Variants in AS3MT observed in about 807,000 individuals in gnomAD.
AS3MT encodes arsenite methyltransferase.
In AS3MT, 47 loss-of-function variants were observed where a neutral mutation model predicts 45.3. That is an observed-to-expected ratio of 1.04 (90% CI 0.82 to 1.32). AS3MT has a LOEUF of 1.32. Ranked by LOEUF, AS3MT falls within the 40% of genes most tolerant of loss-of-function variation. The pLI, the probability that AS3MT is intolerant of heterozygous loss-of-function variation, is 0.00. For synonymous variants in AS3MT, 141 were observed against 152.8 expected, an observed-to-expected ratio of 0.92 and a Z score of 0.57; for missense variants, 396 against 451.1, an observed-to-expected ratio of 0.88 and a Z score of 1.11.
rs1214268329 is a variant in AS3MT at position 102,881,936 on chromosome 10, G to A, written c.885+2945G>A. Among the ~76,000 whole-genome samples, 3 of 138,666 alleles carry A rather than the reference G, an allele frequency of 2.2e-5. No homozygotes were observed. The highest frequency in any genetic ancestry group is 4.7e-5 in the Non-Finnish European group (3 of 63,522). 91.0% of individuals were successfully genotyped at this position (138,666 alleles called of 152,430 possible). On this transcript the variant is annotated intron_variant, in intron 9 of 10. Transcript: ENST00000369880. The surrounding 1 kb of genome is among the most constrained non-coding windows in gnomAD (Gnocchi z 4.2). Reference sequence around the variant, plus strand: ...TTTTATTTTTTTGTTGGTGAGACAGGTTTTTTTTTTTTTTCTTTTTTGAGA... The same window carrying A: ...TTTTATTTTTTTGTTGGTGAGACAGATTTTTTTTTTTTTTCTTTTTTGAGA...
In AS3MT at chr10:102,879,482, T is replaced by C. The variant is rs182049455; in HGVS notation, c.885+491T>C. Among the ~76,000 whole-genome samples the C allele has an allele frequency of 1.8e-4, 28 of 152,038 alleles. No individual in the cohort carries two copies. In the East Asian group the frequency reaches 4.7e-3, roughly 25 times the overall value. Reference sequence around the variant, plus strand: ...CTCAATATTTATTATAAAAATGTTTTTGGCCAGGTGCGGTGGCTCACACCT... The same window carrying C: ...CTCAATATTTATTATAAAAATGTTTCTGGCCAGGTGCGGTGGCTCACACCT... On this transcript the variant is annotated intron_variant, in intron 9 of 10. Coordinates refer to ENST00000369880, the MANE Select transcript of AS3MT (RefSeq NM_020682.4).
intron 9 of AS3MT, among the ~76,000 whole-genome samples, chr10:102,888,873 A>T (rs71471257): frequency 0.049 from 3,077 of 62,172 alleles, 127 homozygotes; most frequent in East Asian, 0.11. Flanking sequence ...ATATATATAT[A>T]TATATATATT....
chr10:102,896,378 C>A (rs898536552), intron 10 of AS3MT, among the ~76,000 whole-genome samples: 3 of 148,110 alleles, frequency 2.0e-5, no homozygotes, highest in Admixed American at 6.8e-5. Flanking sequence ...AAATCACTTT[C>A]AAAAATGGTA....
chr10:102,899,331 A>G (rs977904016), intron 10 of AS3MT, among the ~76,000 whole-genome samples: 1 of 152,096 alleles, frequency 6.6e-6, no homozygotes, highest in African/African-American at 2.4e-5. Context: ...GTTCCAGTAT[A>G]CTGAGAGATG....
chr10:102,878,986 T>A lies in AS3MT; in HGVS notation c.880T>A (p.Phe294Ile), dbSNP rs967902054. 2 of 1,610,588 alleles carry A rather than the reference T, an allele frequency of 1.2e-6. No homozygotes were observed. Among genetic ancestry groups the A allele is most frequent in the African/African-American group, 2.7e-5 (2 of 74,728 alleles). Residue 294 changes from phenylalanine to isoleucine, a missense_variant, in exon 9 of 11, where the codon TTT becomes ATT. Transcript: ENST00000369880. ...KELMFDANFTFKEGEIVEVDE... is the reference protein window; with the variant it reads ...KELMFDANFTIKEGEIVEVDE... ...ACTAATGTTTGATGCCAATTTTACA[T>A]TTAAGGTAAATAAAACAATTTCCAT...
intron 6 of AS3MT, among the ~76,000 whole-genome samples, chr10:102,876,530 G>A (rs147310465): frequency 3.3e-5 from 5 of 152,024 alleles, no homozygotes; most frequent in East Asian, 1.9e-4. Context: ...CTCCCACTTC[G>A]GCCTCCTGAG....
intron 9 of AS3MT, among the ~76,000 whole-genome samples, chr10:102,889,418 T>C (rs944069064): frequency 6.6e-6 from 1 of 152,192 alleles, no homozygotes; most frequent in Non-Finnish European, 1.5e-5. Flanking sequence ...GATTTCCTTC[T>C]GTTTTAAAAT....
intron 3 of AS3MT, 95 bp from the exon 4 acceptor site, chr10:102,872,353 C>T (rs974515423): frequency 6.2e-5 from 80 of 1,289,874 alleles, no homozygotes; most frequent in South Asian, 3.3e-4. Flanking sequence ...AAGGAAGGAA[C>T]GGAGGGAGGG....
At chr10:102,895,701 C>A (rs1224443608) in intron 10 of AS3MT, among the ~76,000 whole-genome samples, 1 of 152,020 alleles carries the variant, frequency 6.6e-6, no homozygotes, top group Non-Finnish European at 1.5e-5. Flanking sequence ...ACCTAGGTTG[C>A]CCAGCCTGGG....
intron 5 of AS3MT, 79 bp from the exon 6 acceptor site, chr10:102,874,513 C>A: frequency 1.9e-6 from 2 of 1,063,478 alleles, no homozygotes; most frequent in South Asian, 1.4e-5. Context: ...CGGTGGGAAC[C>A]ACCTTTAGGG....
At chr10:102,873,488 G>A (rs780112390) in intron 5 of AS3MT, among the ~76,000 whole-genome samples, 1 of 152,086 alleles carries the variant, frequency 6.6e-6, no homozygotes, top group East Asian at 1.9e-4. Flanking sequence ...GTTTCACCAT[G>A]TTGGCCAGGC....
chr10:102,892,539 C>T (rs141152231), intron 10 of AS3MT, among the ~76,000 whole-genome samples: 2 of 152,036 alleles, frequency 1.3e-5, no homozygotes, highest in Non-Finnish European at 2.9e-5. Context: ...TTTCATCCAT[C>T]CCAATCATAA....
chr10:102,878,607 G>A (rs928309336), intron 8 of AS3MT, 97 bp downstream of exon 8: 2 of 1,482,832 alleles, frequency 1.3e-6, no homozygotes, highest in South Asian at 1.3e-5. Flanking sequence ...CTCATTGAGG[G>A]ATACTTTCTG....
chr10:102,883,537 A>G (rs1470153705), intron 9 of AS3MT, among the ~76,000 whole-genome samples: 1 of 150,282 alleles, frequency 6.7e-6, no homozygotes, highest in East Asian at 2.0e-4. Flanking sequence ...ACATGATGAA[A>G]CCCTGTCTCT....
At chr10:102,889,597 C>T (rs906302316) in intron 9 of AS3MT, among the ~76,000 whole-genome samples, 1 of 125,532 alleles carries the variant, frequency 8.0e-6, no homozygotes, top group African/African-American at 2.9e-5. Flanking sequence ...CCCTTCCCTT[C>T]CCCTGCCTGT....
At chr10:102,892,187 C>T (rs983570174) in intron 10 of AS3MT, among the ~76,000 whole-genome samples, 4 of 152,022 alleles carry the variant, frequency 2.6e-5, no homozygotes, top group African/African-American at 9.7e-5. Context: ...TTCTGACACA[C>T]GAATACTCTT....
chr10:102,898,373 A>C (rs1157368142), intron 10 of AS3MT, among the ~76,000 whole-genome samples: 5 of 152,116 alleles, frequency 3.3e-5, no homozygotes, highest in Non-Finnish European at 4.4e-5. Context: ...AGGCGGGTGG[A>C]TCACTTGAGG....
At chr10:102,885,497 T>C (rs1344384202) in intron 9 of AS3MT, among the ~76,000 whole-genome samples, 3 of 606 alleles carry the variant, frequency 5.0e-3, no homozygotes, top group African/African-American at 6.9e-3. Flanking sequence ...CCCAACTAAT[T>C]TTTTTTTTTT....
At chr10:102,886,328 C>A (rs564223400) in intron 9 of AS3MT, among the ~76,000 whole-genome samples, 2 of 122,708 alleles carry the variant, frequency 1.6e-5, no homozygotes, top group South Asian at 5.8e-4. Context: ...TCCTTCCATT[C>A]TTTCTTTTTT....
Sources: allele counts gnomAD v4.1 joint callset (sites outside exome capture counted in the v4.1 genomes callset), GRCh38; gene constraint gnomAD v4.1.1; non-coding constraint Gnocchi (gnomAD v3.1); transcripts MANE v1.5; gene names NCBI Gene and HGNC (gene_info 2026-07-23, HGNC 2026-07-21).